The following ZNF574 variants were observed in gnomAD, a reference collection of about 807,000 sequenced individuals.
The protein encoded by ZNF574 is zinc finger protein 574.
In ZNF574, 25 loss-of-function variants were observed where a neutral mutation model predicts 56.6. The ratio of observed to expected loss-of-function variants is 0.44; its 90% CI spans 0.32 to 0.62. The LOEUF (loss-of-function observed/expected upper bound fraction) is 0.62, where lower values mean the gene tolerates loss of function less well. ZNF574 is among the 20% of genes least tolerant of loss of function. The probability of loss-of-function intolerance (pLI) is 0.04; values close to 1 mark genes in which losing one functional copy is unlikely to be tolerated. For synonymous variants in ZNF574, 543 were observed against 492.1 expected, an observed-to-expected ratio of 1.10 and a Z score of -1.37; for missense variants, 1,065 against 1,218.9, an observed-to-expected ratio of 0.87 and a Z score of 1.88.
At chr19:42,069,944 G>A (rs899174609) in intron 1 of ZNF574, among the ~76,000 whole-genome samples, 1 of 152,146 alleles carries the variant, frequency 6.6e-6, no homozygotes, top group Non-Finnish European at 1.5e-5. Flanking sequence ...AGATAGGGAG[G>A]AGGGAGAGGA....
At chr19:42,073,855 C>T (rs1269972551), upstream of ZNF574, among the ~76,000 whole-genome samples, 1 of 141,028 alleles carries the variant, frequency 7.1e-6, no homozygotes, top group Non-Finnish European at 1.5e-5. Context: ...AGGGACTGGG[C>T]GCAGTGGCTC....
chr19:42,069,861 G>A (rs543916888), intron 1 of ZNF574, among the ~76,000 whole-genome samples: 6 of 152,258 alleles, frequency 3.9e-5, no homozygotes, highest in East Asian at 3.9e-4. Flanking sequence ...GGGAGAGCCC[G>A]GGAGTGGAGA....
chr19:42,071,631 C>A (rs902531794), upstream of ZNF574, among the ~76,000 whole-genome samples: 2 of 152,202 alleles, frequency 1.3e-5, no homozygotes, highest in Non-Finnish European at 2.9e-5. Flanking sequence ...CAAACATCCA[C>A]ACTTAACTCC....
chr19:42,068,604 G>A (rs978727108), exon 1 of ZNF574: 3 of 419,196 alleles, frequency 7.2e-6, no homozygotes, highest in East Asian at 3.5e-5. Context: ...CAGGTGAGCG[G>A]AGGCACAGAA....
rs1334225926 is a variant in ZNF574, at chr19:42,068,722, C to G, written c.11C>G (p.Ala4Gly). The G allele has an allele frequency of 8.1e-6, 4 of 491,940 alleles. No homozygotes were observed. The Admixed American group carries it at 1.5e-4, about 18-fold the overall frequency. 30.5% of individuals were successfully genotyped at this position (491,940 alleles called of 1,614,324 possible). ...GATCTAAACAGAGACATGCCGAGAGCAACCTGGGCTAACAGCAAAGAGAGA... is the reference window on the plus strand; with the variant it reads ...GATCTAAACAGAGACATGCCGAGAGGAACCTGGGCTAACAGCAAAGAGAGA... The change falls in exon 1 of 2, where the codon GCA becomes GGA. Residue 4 changes from alanine (A) to glycine (G), a missense_variant. Physicochemically the swap from Ala to Gly is moderately conservative, Grantham distance 60. Transcript: ENST00000222339.
upstream of ZNF574, among the ~76,000 whole-genome samples, chr19:42,071,374 C>T (rs1416592551): frequency 6.6e-6 from 1 of 152,100 alleles, no homozygotes; most frequent in Non-Finnish European, 1.5e-5. Flanking sequence ...ACCCCCGATG[C>T]TCGTGATGGG....
rs1027950447 is a variant in ZNF574 at position 42,080,814 on chromosome 19, G to T, written c.2208G>T (p.Arg736=). The stretch of plus-strand genomic sequence containing the variant: ...CCCCTGCGGCCCCTGCCCGCCGCCG[G>T]GGTCTAGAGTGCAGCGAGTGCAAGA... ...TASPAAPARR[R]GLECSECKKL... The change falls in exon 2 of 2, where the codon CGG becomes CGT. Residue 736 remains arginine, a synonymous_variant. Coordinates refer to ENST00000359044, the MANE Select transcript of ZNF574 (RefSeq NM_022752.6). This position sits in a 1 kb window ranked among gnomAD's most constrained non-coding sequence, Gnocchi z 8.5. 1.2e-6 allele frequency: 2 copies of T among 1,613,944 alleles called. No homozygotes were observed. The highest frequency in any genetic ancestry group is 2.7e-5 in the African/African-American group (2 of 74,938).
intron 1 of ZNF574, 60 bp from the exon 2 acceptor site, chr19:42,078,519 GAGTGATGA>G (rs2076470978): frequency 8.4e-7 from 1 of 1,186,876 alleles, no homozygotes; most frequent in Admixed American, 2.7e-5. Context: ...TAGGAGTGGA[GAGTGATGA>G]AGGGAAGAGC....
rs1163465332 is a variant in ZNF574 at position 42,080,182 on chromosome 19, C to G, written c.1576C>G (p.Pro526Ala). Residue 526 changes from proline to alanine, a missense_variant, in exon 2 of 2, where the codon CCT becomes GCT. By Grantham distance (27) the Pro-to-Ala change is conservative. Transcript: ENST00000359044. This position sits in a 1 kb window ranked among gnomAD's most constrained non-coding sequence, Gnocchi z 8.5. The stretch of plus-strand genomic sequence containing the variant: ...CACAGGGGAGCGGCCCTTCCCCTGC[C>G]CTGACTGCTCCAAGCCCTTCAACTC... ...THTGERPFPC[P>A]DCSKPFNSPA... 6.2e-7 allele frequency: 1 copy of G among 1,613,670 alleles called. No homozygotes were observed. Among genetic ancestry groups the G allele is most frequent in the Non-Finnish European group, 8.5e-7 (1 of 1,179,916 alleles).
Position 42,079,876 on chromosome 19 carries a change from C to A in ZNF574, c.1270C>A (p.Pro424Thr). 1 of 1,614,148 alleles carries A rather than the reference C, an allele frequency of 6.2e-7. No individual in the cohort carries two copies. Among genetic ancestry groups the A allele is most frequent in the Non-Finnish European group, 8.5e-7 (1 of 1,180,036 alleles). Residue 424 changes from proline (P) to threonine (T), a missense_variant, in exon 2 of 2, where the codon CCA becomes ACA. Coordinates refer to ENST00000359044, the MANE Select transcript of ZNF574 (RefSeq NM_022752.6). The surrounding 1 kb of genome is among the most constrained non-coding windows in gnomAD (Gnocchi z 4.3). ...AGGGGGTGTCCCTCTGCCCACAACACCAGTCCCACCAGAGGAACCTGTCAT... is the reference window on the plus strand; with the variant it reads ...AGGGGGTGTCCCTCTGCCCACAACAACAGTCCCACCAGAGGAACCTGTCAT... ...GVGGVPLPTT[P>T]VPPEEPVIGF...
chr19:42,078,137 G>C (rs747526764), intron 1 of ZNF574, among the ~76,000 whole-genome samples: 2 of 152,076 alleles, frequency 1.3e-5, no homozygotes, highest in African/African-American at 2.4e-5. Flanking sequence ...GTGTGGCTGG[G>C]AGAAACAGGT....
upstream of ZNF574, among the ~76,000 whole-genome samples, chr19:42,073,814 CAAAAAAAAA>C (rs577928373): frequency 4.5e-3 from 145 of 32,064 alleles, 2 homozygotes; most frequent in African/African-American, 0.013. Flanking sequence ...TAGACTGTCT[CAAAAAAAAA>C]AAAAAAAAAA....
exon 1 of ZNF574, chr19:42,068,916 C>T (rs1012859362): frequency 1.3e-5 from 9 of 674,838 alleles, no homozygotes; most frequent in Admixed American, 6.5e-5. Flanking sequence ...GGGACCAGGA[C>T]GGAGGCTTGG....
In ZNF574 at chr19:42,079,784, C is replaced by G; in HGVS notation, c.1178C>G (p.Ser393Ter). 1 of 1,614,202 alleles carries G rather than the reference C, an allele frequency of 6.2e-7. No individual in the cohort carries two copies. The highest frequency in any genetic ancestry group is 8.5e-7 in the Non-Finnish European group (1 of 1,180,036). ...GCCCACACCCCGAATCCTCTGCATT[C>G]ATGTCCATGTGGGAAGACCTTTGTC... ...RRAHTPNPLH[S>*]CPCGKTFVNL... The change falls in exon 2 of 2, where the codon TCA becomes TGA. Residue 393 changes from serine (S) to a stop codon, truncating the protein, a stop_gained. Coordinates refer to ENST00000359044, the MANE Select transcript of ZNF574 (RefSeq NM_022752.6). LOFTEE classifies it high-confidence loss of function. This position sits in a 1 kb window ranked among gnomAD's most constrained non-coding sequence, Gnocchi z 4.3.
upstream of ZNF574, among the ~76,000 whole-genome samples, chr19:42,074,256 A>G (rs1490516141): frequency 6.6e-6 from 1 of 151,914 alleles, no homozygotes; most frequent in Non-Finnish European, 1.5e-5. Context: ...GGAGATTGAG[A>G]CCATCCTGGC....
chr19:42,079,879 G>T lies in ZNF574; in HGVS notation c.1273G>T (p.Val425Phe), dbSNP rs1192105196. Residue 425 changes from valine (V) to phenylalanine (F), a missense_variant, in exon 2 of 2, where the codon GTC (valine) becomes TTC (phenylalanine). Physicochemically the swap from Val to Phe is conservative, Grantham distance 50. Coordinates refer to ENST00000359044, the MANE Select transcript of ZNF574 (RefSeq NM_022752.6). The surrounding 1 kb of genome is among the most constrained non-coding windows in gnomAD (Gnocchi z 4.3). ...GGGTGTCCCTCTGCCCACAACACCA[G>T]TCCCACCAGAGGAACCTGTCATTGG... ...VGGVPLPTTP[V>F]PPEEPVIGFP... 4 of 1,613,980 alleles carry T rather than the reference G, an allele frequency of 2.5e-6. No homozygotes were observed. The African/African-American group carries it at 4.0e-5, about 16-fold the overall frequency.
In ZNF574 at chr19:42,080,502, G is replaced by A. The variant is rs144401644; in HGVS notation, c.1896G>A (p.Gly632=). The change falls in exon 2 of 2, where the codon GGG becomes GGA. Residue 632 remains glycine (G), a synonymous_variant. Transcript: ENST00000359044. This position sits in a 1 kb window ranked among gnomAD's most constrained non-coding sequence, Gnocchi z 8.5. The stretch of plus-strand genomic sequence containing the variant: ...TGCACCAGCTCGTGGTCCATGCCGG[G>A]CGCCAGCCCCACCGCTGCCCATCCT... ...LEVHQLVVHA[G]RQPHRCPSCG... 3.4e-4 allele frequency: 543 copies of A among 1,613,668 alleles called. 1 individual carries two copies. Among genetic ancestry groups the A allele is most frequent in the Non-Finnish European group, 4.5e-4 (531 of 1,179,978 alleles).
In ZNF574 at chr19:42,080,959, C is replaced by G; in HGVS notation, c.2353C>G (p.Arg785Gly). The G allele has an allele frequency of 6.2e-7, 1 of 1,614,192 alleles. No homozygotes were observed. Among genetic ancestry groups the G allele is most frequent in the Non-Finnish European group, 8.5e-7 (1 of 1,180,042 alleles). ...FRQSTHLKDHRRLHTGERPFA... is the reference protein window; with the variant it reads ...FRQSTHLKDHGRLHTGERPFA... ...TCAGAGTACCCACCTGAAAGACCAC[C>G]GGCGCCTGCACACAGGTGAGCGGCC... The change falls in exon 2 of 2, where the codon CGG becomes GGG. Residue 785 changes from arginine (R) to glycine (G), a missense_variant. Arg to Gly is a moderately radical substitution (Grantham distance 125). Transcript: ENST00000359044. The surrounding 1 kb of genome is among the most constrained non-coding windows in gnomAD (Gnocchi z 8.5).
chr19:42,079,275 C>A lies in ZNF574; in HGVS notation c.669C>A (p.Phe223Leu). ...LYKCSECSQL[F>L]QLPADFLEHQ... is the part of the protein sequence containing the mutation. Reference sequence around the variant, plus strand: ...AGTGCTCTGAGTGCTCCCAGCTCTTCCAGCTGCCGGCGGATTTCCTGGAGC... The same window carrying A: ...AGTGCTCTGAGTGCTCCCAGCTCTTACAGCTGCCGGCGGATTTCCTGGAGC... The change falls in exon 2 of 2, where the codon TTC becomes TTA. Residue 223 changes from phenylalanine to leucine, a missense_variant. Phe to Leu is a conservative substitution (Grantham distance 22). Transcript: ENST00000359044. This position sits in a 1 kb window ranked among gnomAD's most constrained non-coding sequence, Gnocchi z 4.3. 1 of 1,614,092 alleles carries A rather than the reference C, an allele frequency of 6.2e-7. No individual in the cohort carries two copies. The highest frequency in any genetic ancestry group is 8.5e-7 in the Non-Finnish European group (1 of 1,179,998).
Sources: allele counts gnomAD v4.1 joint callset (sites outside exome capture counted in the v4.1 genomes callset), GRCh38; gene constraint gnomAD v4.1.1; non-coding constraint Gnocchi (gnomAD v3.1); transcripts MANE v1.5; gene names NCBI Gene and HGNC (gene_info 2026-07-23, HGNC 2026-07-21).